ZMYM4: variants seen among roughly 807,000 people sequenced by gnomAD.
ZMYM4 encodes zinc finger MYM-type containing 4, also known as zinc finger MYM-type protein 4.
ZMYM4 carries 31 observed loss-of-function variants against 183.2 expected under a neutral mutation model. The ratio of observed to expected loss-of-function variants is 0.17; its 90% CI spans 0.13 to 0.23. The LOEUF (loss-of-function observed/expected upper bound fraction) is 0.23, where lower values mean the gene tolerates loss of function less well. Among genes scored for constraint, ZMYM4 ranks in the 10% least tolerant of loss-of-function variants. The pLI is 1.00. For missense variants in ZMYM4, 1,273 were observed against 1,840.3 expected (o/e 0.69, Z 5.64); for synonymous variants, 592 against 631.2 (o/e 0.94, Z 0.93).
intron 1 of ZMYM4, among the ~76,000 whole-genome samples, chr1:35,308,118 C>T (rs756791340): frequency 5.9e-5 from 9 of 152,142 alleles, no homozygotes; most frequent in Admixed American, 2.6e-4. Context: ...CAGCCTCCTG[C>T]GTAGCTGGGA....
At chr1:35,369,332 G>A (rs867048417) in intron 5 of ZMYM4, among the ~76,000 whole-genome samples, 10 of 152,226 alleles carry the variant, frequency 6.6e-5, no homozygotes, top group African/African-American at 1.4e-4. Flanking sequence ...CTTAAAATAC[G>A]TGTATATGCA....
At chr1:35,393,815 T>C (rs968157452) in intron 18 of ZMYM4, 76 bp downstream of exon 18, 17 of 1,440,106 alleles carry the variant, frequency 1.2e-5, no homozygotes, top group Non-Finnish European at 1.3e-5. Flanking sequence ...ATTGAGTACC[T>C]GCTATTTCCT....
At chr1:35,366,174 A>G (rs556627562) in intron 5 of ZMYM4, 1 of 152,362 alleles carries the variant, frequency 6.6e-6, no homozygotes, top group South Asian at 2.1e-4. Flanking sequence ...CTTTTAATAC[A>G]TATATTTCAT....
intron 1 of ZMYM4, among the ~76,000 whole-genome samples, chr1:35,286,577 C>T (rs1449992726): frequency 6.7e-6 from 1 of 150,334 alleles, no homozygotes; most frequent in African/African-American, 2.4e-5. Flanking sequence ...CCTGAGCCTG[C>T]CTGCCTCTGT....
intron 2 of ZMYM4, among the ~76,000 whole-genome samples, chr1:35,353,872 G>T (rs1643718653): frequency 6.6e-6 from 1 of 152,098 alleles, no homozygotes; most frequent in Non-Finnish European, 1.5e-5. Flanking sequence ...TCTGAGGCCA[G>T]GTGCAGTGGC....
chr1:35,402,500 C>G (rs918142850), intron 23 of ZMYM4, among the ~76,000 whole-genome samples: 1 of 151,810 alleles, frequency 6.6e-6, no homozygotes, highest in Non-Finnish European at 1.5e-5. Flanking sequence ...GCTGGTGGTC[C>G]CAGCTACTTG....
chr1:35,397,612 A>G, intron 20 of ZMYM4, 67 bp downstream of exon 20: 1 of 1,398,404 alleles, frequency 7.2e-7, no homozygotes, highest in East Asian at 2.4e-5. Context: ...TGACTCAAGT[A>G]ATTTTAAGTA....
intron 17 of ZMYM4, 40 bp downstream of exon 17, chr1:35,392,724 A>ATTTT: frequency 2.0e-6 from 3 of 1,516,370 alleles, no homozygotes; most frequent in Non-Finnish European, 2.7e-6. Context: ...CACTGTATTT[A>ATTTT]TTTTTCATTT....
At chr1:35,402,157 G>GGGCT (rs1326280633) in intron 23 of ZMYM4, among the ~76,000 whole-genome samples, 2 of 150,960 alleles carry the variant, frequency 1.3e-5, no homozygotes, top group African/African-American at 4.9e-5. Context: ...ATTTCAGTTG[G>GGGCT]GGCTGTCCTG....
At chr1:35,322,459 G>A (rs1642323913) in intron 1 of ZMYM4, among the ~76,000 whole-genome samples, 2 of 151,564 alleles carry the variant, frequency 1.3e-5, no homozygotes, top group Admixed American at 1.3e-4. Flanking sequence ...TGGGATTAAT[G>A]TTGATGTGAA....
chr1:35,289,620 A>C (rs1017398692), intron 1 of ZMYM4, among the ~76,000 whole-genome samples: 1 of 152,178 alleles, frequency 6.6e-6, no homozygotes, highest in Non-Finnish European at 1.5e-5. Flanking sequence ...CAACGTTGGC[A>C]CTGTTGGCAT....
intron 1 of ZMYM4, 62 bp from the exon 2 acceptor site, chr1:35,325,298 C>T (rs372468531): frequency 4.0e-6 from 6 of 1,491,288 alleles, no homozygotes; most frequent in Admixed American, 1.9e-5. Flanking sequence ...GGAGGGATAC[C>T]AAAAGAATGT....
intron 7 of ZMYM4, among the ~76,000 whole-genome samples, chr1:35,371,182 C>T (rs1172732955): frequency 8.6e-5 from 13 of 150,830 alleles, no homozygotes; most frequent in Non-Finnish European, 1.5e-5. Context: ...GTGGTGTGAT[C>T]TCGGCTCACT....
chr1:35,320,005 C>A lies in ZMYM4; in HGVS notation c.40-5355C>A, dbSNP rs190336586. On this transcript the variant is annotated intron_variant, in intron 1 of 29. Transcript: ENST00000314607. ...TTTACGCAGTGTTGTAGGTGCTAGG[C>A]TACTAAATACAGAACAAATAAAAAT... is the stretch of plus-strand genomic sequence containing the variant. Among the ~76,000 whole-genome samples the A allele has an allele frequency of 5.7e-4, 87 of 152,294 alleles. 1 individual carries two copies. Among genetic ancestry groups the A allele is most frequent in the African/African-American group, 1.9e-3 (81 of 41,544 alleles).
intron 7 of ZMYM4, among the ~76,000 whole-genome samples, chr1:35,381,032 A>C (rs976819335): frequency 1.3e-5 from 2 of 152,228 alleles, no homozygotes; most frequent in Non-Finnish European, 2.9e-5. Flanking sequence ...ACTAATTCTC[A>C]TAACAGTTCT....
intron 1 of ZMYM4, among the ~76,000 whole-genome samples, chr1:35,318,294 G>T (rs1475052894): frequency 1.3e-5 from 2 of 152,000 alleles, no homozygotes; most frequent in Non-Finnish European, 2.9e-5. Flanking sequence ...TTGACCTCAG[G>T]TGATCCACCC....
intron 1 of ZMYM4, among the ~76,000 whole-genome samples, chr1:35,284,176 C>G (rs1428885129): frequency 6.6e-6 from 1 of 151,718 alleles, no homozygotes; most frequent in Non-Finnish European, 1.5e-5. Context: ...CGGGGTTTCA[C>G]CTTGTTAGCC....
chr1:35,387,367 A>G, intron 12 of ZMYM4, 87 bp from the exon 13 acceptor site: 1 of 1,571,192 alleles, frequency 6.4e-7, no homozygotes, highest in Non-Finnish European at 8.6e-7. Context: ...TCAAAATCAT[A>G]CCATTTGTTT....
intron 1 of ZMYM4, among the ~76,000 whole-genome samples, chr1:35,311,248 C>G (rs765963917): frequency 5.9e-5 from 9 of 151,676 alleles, no homozygotes; most frequent in Non-Finnish European, 7.4e-5. Flanking sequence ...GGTGAAACCC[C>G]GTCTCTACTA....
Sources: gnomAD v4.1 joint callset for allele counts (sites outside exome capture counted in the v4.1 genomes callset) on GRCh38, gnomAD v4.1.1 for gene constraint, MANE v1.5 for transcripts, NCBI Gene and HGNC (gene_info 2026-07-23, HGNC 2026-07-21) for gene names.